Variants in ANK1 observed in about 807,000 individuals in gnomAD.
ANK1 encodes the protein ankyrin-1.
A neutral mutation model predicts 210.4 loss-of-function variants in ANK1; 51 were observed. The observed-to-expected ratio is 0.24, with a 90% CI of 0.19 to 0.31. ANK1 has a LOEUF of 0.31. Ranked by LOEUF, ANK1 falls within the 10% of genes least tolerant of loss-of-function variation. The pLI, the probability that ANK1 is intolerant of heterozygous loss-of-function variation, is 1.00. For missense variants in ANK1, 2,051 were observed against 2,504.4 expected, an observed-to-expected ratio of 0.82 and a Z score of 3.86; for synonymous variants, 967 against 1,025.9, an observed-to-expected ratio of 0.94 and a Z score of 1.10.
intron 2 of ANK1, among the ~76,000 whole-genome samples, chr8:41,743,681 C>T (rs141370229): frequency 7.9e-5 from 12 of 152,258 alleles, no homozygotes; most frequent in Admixed American, 2.6e-4. Flanking sequence ...TTAAGGAGGA[C>T]GGGCATCAGT....
At chr8:41,803,045 A>AAGAAAG (rs1563810511) in intron 1 of ANK1, among the ~76,000 whole-genome samples, 103 of 71,610 alleles carry the variant, frequency 1.4e-3, no homozygotes, top group East Asian at 7.4e-3. Context: ...AAGAAAGAGA[A>AAGAAAG]AGAAAGAAAG....
intron 40 of ANK1, among the ~76,000 whole-genome samples, chr8:41,662,656 G>C (rs146951403): frequency 1.1e-4 from 17 of 152,222 alleles, no homozygotes; most frequent in Admixed American, 6.5e-5. Flanking sequence ...TGTATCTGCC[G>C]TGTGCTCTGA....
intron 1 of ANK1, among the ~76,000 whole-genome samples, chr8:41,875,377 C>T (rs777335480): frequency 9.2e-5 from 14 of 152,146 alleles, no homozygotes; most frequent in Non-Finnish European, 1.9e-4. Flanking sequence ...TGGATGGAGG[C>T]GGGTATACCC....
At chr8:41,766,911 G>A (rs1391650017) in intron 1 of ANK1, among the ~76,000 whole-genome samples, 1 of 152,086 alleles carries the variant, frequency 6.6e-6, no homozygotes, top group African/African-American at 2.4e-5. Context: ...CCAGGTCCCC[G>A]CCCGGCCCAA....
At chr8:41,817,626 G>A (rs1302756549) in intron 1 of ANK1, among the ~76,000 whole-genome samples, 1 of 152,184 alleles carries the variant, frequency 6.6e-6, no homozygotes, top group Non-Finnish European at 1.5e-5. Flanking sequence ...TCTAGAGTTA[G>A]AGCTATTTGT....
At chr8:41,750,847 A>G (rs495040) in intron 2 of ANK1, among the ~76,000 whole-genome samples, 150,490 of 152,288 alleles carry the variant, frequency 0.99, 74,377 homozygotes, top group East Asian at 1. Context: ...TGGACGACAA[A>G]GCTTCTCCTT....
intron 17 of ANK1, among the ~76,000 whole-genome samples, chr8:41,707,627 G>A (rs1438300351): frequency 6.6e-6 from 1 of 152,218 alleles, no homozygotes; most frequent in Non-Finnish European, 1.5e-5. Context: ...CGTGAGGGCG[G>A]CGTGCGGATG....
chr8:41,846,451 G>T (rs1392560783), intron 1 of ANK1, among the ~76,000 whole-genome samples: 1 of 152,222 alleles, frequency 6.6e-6, no homozygotes, highest in Admixed American at 6.5e-5. Context: ...GCTGCAGCTC[G>T]TGCAGACGTG....
chr8:41,724,012 T>G lies in ANK1; in HGVS notation c.712-379A>C, dbSNP rs577291925. Among the ~76,000 whole-genome samples the G allele has an allele frequency of 4.0e-3, 607 of 151,834 alleles. 3 individuals are homozygous for G. Among genetic ancestry groups the G allele is most frequent in the African/African-American group, 0.014 (581 of 41,364 alleles). ...ACCGTGTTAGCCAGGATGGTCTCGATCTCCTGACCTCGTGATCCGCCCGTC... is the reference window on the plus strand; with the variant it reads ...ACCGTGTTAGCCAGGATGGTCTCGAGCTCCTGACCTCGTGATCCGCCCGTC... On this transcript the variant is annotated intron_variant, in intron 7 of 42. Coordinates refer to ENST00000289734, the MANE Select transcript of ANK1 (RefSeq NM_000037.4).
At chr8:41,864,049 G>C (rs1402845287) in intron 1 of ANK1, among the ~76,000 whole-genome samples, 1 of 152,126 alleles carries the variant, frequency 6.6e-6, no homozygotes, top group African/African-American at 2.4e-5. Flanking sequence ...TCGAGATCCA[G>C]AGCATCCTGG....
intron 37 of ANK1, among the ~76,000 whole-genome samples, chr8:41,673,280 A>T (rs1434644988): frequency 6.6e-6 from 1 of 152,202 alleles, no homozygotes; most frequent in Non-Finnish European, 1.5e-5. Context: ...CTCTGATCCC[A>T]TGAAAGCTCC....
chr8:41,889,783 G>A (rs1205688558), intron 1 of ANK1, among the ~76,000 whole-genome samples: 1 of 152,202 alleles, frequency 6.6e-6, no homozygotes, highest in Non-Finnish European at 1.5e-5. Context: ...AAGTTAGGAA[G>A]CCCTTTTATG....
chr8:41,665,340 G>C (rs534245933), intron 39 of ANK1: 5 of 1,268,302 alleles, frequency 3.9e-6, no homozygotes, highest in South Asian at 2.6e-5. Context: ...CTGTCCAACC[G>C]GGCTAGAAGG....
intron 1 of ANK1, among the ~76,000 whole-genome samples, chr8:41,871,917 G>A (rs1587541841): frequency 2.0e-5 from 3 of 152,174 alleles, no homozygotes; most frequent in African/African-American, 4.8e-5. Flanking sequence ...CCCCTCCCAG[G>A]GATCTTGGCT....
intron 3 of ANK1, among the ~76,000 whole-genome samples, chr8:41,730,194 GC>G (rs1174205877): frequency 6.6e-6 from 1 of 152,066 alleles, no homozygotes; most frequent in Non-Finnish European, 1.5e-5. Context: ...TAGCCGTGTG[GC>G]CCCCCAGCCG....
Position 41,686,143 on chromosome 8 carries a change from G to A in ANK1, c.4390+9C>T, listed in dbSNP as rs751035092. 2.3e-5 allele frequency: 37 copies of A among 1,614,104 alleles called. No homozygotes were observed. The highest frequency in any genetic ancestry group is 6.7e-5 in the Admixed American group (4 of 60,012). The stretch of plus-strand genomic sequence containing the variant: ...CTAGGACAGGCTTCCTCAGTGGGAC[G>A]GTACTGACTGTTTGCGTTTTGGCCT... On this transcript the variant is annotated intron_variant, in intron 36 of 42. Coordinates refer to ENST00000289734, the MANE Select transcript of ANK1 (RefSeq NM_000037.4).
In ANK1 at chr8:41,672,578, G is replaced by T; in HGVS notation, c.4872C>A (p.Asp1624Glu). ...CATTTGTGGCATCTGAATCCACTGT[G>T]TCGTCCTCCACAAGTTCCAGAGAGC... ...ELGSLELVED[D>E]TVDSDATNGL... Residue 1624 changes from aspartate to glutamate, a missense_variant, in exon 38 of 43, where the codon GAC becomes GAA. By Grantham distance (45) the Asp-to-Glu change is conservative. Around this residue, in one of 6 missense-constraint regions of ANK1, gnomAD observed 496 missense variants for 533.4 expected, o/e 0.93. Transcript: ENST00000289734. 5.0e-6 allele frequency: 8 copies of T among 1,614,178 alleles called. No homozygotes were observed. Among genetic ancestry groups the T allele is most frequent in the Non-Finnish European group, 6.8e-6 (8 of 1,180,030 alleles).
intron 1 of ANK1, among the ~76,000 whole-genome samples, chr8:41,851,180 T>C (rs1056919208): frequency 3.3e-5 from 5 of 152,174 alleles, no homozygotes; most frequent in Admixed American, 3.3e-4. Flanking sequence ...GACCAAATCA[T>C]GATCAATATT....
At chr8:41,826,457 T>A (rs999122393) in intron 1 of ANK1, among the ~76,000 whole-genome samples, 1 of 152,058 alleles carries the variant, frequency 6.6e-6, no homozygotes, top group Non-Finnish European at 1.5e-5. Flanking sequence ...CTTAGCACCA[T>A]CCCCTGCCCT....
Sources: gnomAD v4.1 joint callset for allele counts (sites outside exome capture counted in the v4.1 genomes callset) on GRCh38, gnomAD v4.1.1 for gene constraint, gnomAD v4.1.1 regional missense constraint, MANE v1.5 for transcripts, NCBI Gene and HGNC (gene_info 2026-07-23, HGNC 2026-07-21) for gene names.